The following PTPN14 variants were observed in gnomAD, a reference collection of about 807,000 sequenced individuals.
PTPN14 encodes the protein tyrosine-protein phosphatase non-receptor type 14.
Under a neutral mutation model 126.8 loss-of-function variants are expected in PTPN14, and 53 were observed. The observed-to-expected ratio is 0.42, with a 90% CI of 0.34 to 0.53. The LOEUF (loss-of-function observed/expected upper bound fraction) is 0.53. Ranked by LOEUF, PTPN14 falls within the 20% of genes least tolerant of loss-of-function variation. The pLI is 0.08. For synonymous variants in PTPN14, 630 were observed against 599.3 expected (o/e 1.05, Z -0.75); for missense variants, 1,257 against 1,552.9 (o/e 0.81, Z 3.20).
At chr1:214,550,807 G>C (rs1571666165) in intron 1 of PTPN14, among the ~76,000 whole-genome samples, 1 of 152,184 alleles carries the variant, frequency 6.6e-6, no homozygotes, top group Non-Finnish European at 1.5e-5. Flanking sequence ...CCGCGACGTC[G>C]TTCGTCTTTC....
At chr1:214,460,524 A>AACAC (rs10522279) in intron 2 of PTPN14, among the ~76,000 whole-genome samples, 46,183 of 132,258 alleles carry the variant, frequency 0.35, 8,103 homozygotes, top group East Asian at 0.46. Flanking sequence ...TGAAAATTCC[A>AACAC]ACACACACAC....
chr1:214,428,069 T>C (rs1366478730), intron 3 of PTPN14, among the ~76,000 whole-genome samples: 2 of 152,182 alleles, frequency 1.3e-5, no homozygotes, highest in Admixed American at 6.5e-5. Context: ...AGGAGCTGCA[T>C]AAACAGGCAC....
chr1:214,504,269 C>G (rs1654778859), intron 1 of PTPN14, among the ~76,000 whole-genome samples: 1 of 152,130 alleles, frequency 6.6e-6, no homozygotes, highest in African/African-American at 2.4e-5. Context: ...TCAATCACCA[C>G]ATAGCCAGAT....
intron 13 of PTPN14, among the ~76,000 whole-genome samples, chr1:214,382,724 C>T (rs1020436372): frequency 1.2e-4 from 18 of 152,124 alleles, no homozygotes; most frequent in East Asian, 3.8e-4. Context: ...TGTGTATTCA[C>T]GTATGTGTGT....
At position 214,351,312 on chromosome 1, in the gene PTPN14, AAG is replaced by A. The variant is rs1491128803; in HGVS notation, c.*6608_*6609del. On this transcript the variant is annotated 3_prime_UTR_variant, in exon 19 of 19. Coordinates refer to ENST00000366956, the MANE Select transcript of PTPN14 (RefSeq NM_005401.5). ...AACTAAAAAAAAAAAAAAAAAGAAA[AAG>A]AAAAAAAAAAAGGCAGCAGACCCTA... The A allele has an allele frequency of 7.9e-5, 12 of 151,528 alleles. No individual in the cohort carries two copies. Among genetic ancestry groups the A allele is most frequent in the African/African-American group, 2.4e-4 (10 of 41,042 alleles). 9.4% of individuals were successfully genotyped at this position (151,528 alleles called of 1,614,324 possible). A position where few individuals can be genotyped will look rare whatever the true frequency, so the allele number is the denominator to read the frequency against.
intron 5 of PTPN14, among the ~76,000 whole-genome samples, chr1:214,410,830 GT>G (rs146610019): frequency 0.017 from 2,600 of 152,186 alleles, 81 homozygotes; most frequent in African/African-American, 0.059. Context: ...TTTTTTGCTA[GT>G]CCCATATTGT....
rs933148037 is a variant in PTPN14 at position 214,353,563 on chromosome 1, C to T, written c.*4359G>A. 6.6e-6 allele frequency: 1 copy of T among 152,224 alleles called. No individual in the cohort carries two copies. The highest frequency in any genetic ancestry group is 1.5e-5 in the Non-Finnish European group (1 of 68,072). The allele number at this position is 152,224 out of a possible 1,614,324, so 9.4% of individuals were successfully genotyped here. A position where few individuals can be genotyped will look rare whatever the true frequency, so the allele number is the denominator to read the frequency against. ...GCACATTCTGCTTTTTGACAAAGGA[C>T]ACTTTTGGGACCCATACGTCACGTA... On this transcript the variant is annotated 3_prime_UTR_variant, in exon 19 of 19. Coordinates refer to ENST00000366956, the MANE Select transcript of PTPN14 (RefSeq NM_005401.5).
chr1:214,451,453 A>T (rs1660271242), intron 3 of PTPN14, among the ~76,000 whole-genome samples: 1 of 152,000 alleles, frequency 6.6e-6, no homozygotes, highest in South Asian at 2.1e-4. Context: ...CAGGTATGAG[A>T]CACCACGCCT....
In PTPN14 at chr1:214,412,628, T is replaced by C. The variant is rs74963456; in HGVS notation, c.443-877A>G. Among the ~76,000 whole-genome samples, 87 of 152,338 alleles carry C rather than the reference T, an allele frequency of 5.7e-4. 1 individual carries two copies. The East Asian group carries it at 0.017, about 29-fold the overall frequency. On this transcript the variant is annotated intron_variant, in intron 4 of 18. Transcript: ENST00000366956. ...TATCACATTCCACCACAACTTATAT[T>C]TCTGTTGATGTATCTTTCTAAAAAT...
Position 214,364,704 on chromosome 1 carries a change from C to T in PTPN14, c.3272-29G>A. ...CAGGACAAAATGCAAATTCTGTCACCAAAGTCCTCCATGGCTTCGCATGTA... is the reference window on the plus strand; with the variant it reads ...CAGGACAAAATGCAAATTCTGTCACTAAAGTCCTCCATGGCTTCGCATGTA... On this transcript the variant is annotated intron_variant, in intron 17 of 18. Transcript: ENST00000366956. The surrounding 1 kb of genome is among the most constrained non-coding windows in gnomAD (Gnocchi z 4.1). 3 of 1,597,556 alleles carry T rather than the reference C, an allele frequency of 1.9e-6. No homozygotes were observed. Among genetic ancestry groups the T allele is most frequent in the Non-Finnish European group, 2.6e-6 (3 of 1,171,614 alleles).
At chr1:214,394,775 A>G in intron 9 of PTPN14, 124 bp downstream of exon 9, 1 of 853,444 alleles carries the variant, frequency 1.2e-6, no homozygotes, top group South Asian at 1.4e-5. Context: ...AAGTATTAGA[A>G]AGCATCTCTT....
In PTPN14 at chr1:214,369,347, T is replaced by C. The variant is rs1658158926; in HGVS notation, c.3271+110A>G. 3.2e-6 allele frequency: 3 copies of C among 945,910 alleles called. No homozygotes were observed. In the Admixed American group the frequency reaches 6.3e-5, roughly 20 times the overall value. 58.6% of individuals were successfully genotyped at this position (945,910 alleles called of 1,614,324 possible). On this transcript the variant is annotated intron_variant, in intron 17 of 18. Transcript: ENST00000366956. ...ATATATTTCAATATTATAATACTTT[T>C]GCCACTTAAGAGAAAGCATCCTCTT...
intron 2 of PTPN14, among the ~76,000 whole-genome samples, chr1:214,460,148 A>G (rs780384308): frequency 1.4e-4 from 18 of 132,946 alleles, no homozygotes; most frequent in Non-Finnish European, 2.5e-4. Context: ...CCCATCTGTA[A>G]CATAGGAACA....
At chr1:214,439,436 T>G in intron 3 of PTPN14, among the ~76,000 whole-genome samples, 1 of 152,236 alleles carries the variant, frequency 6.6e-6, no homozygotes, top group East Asian at 1.9e-4. Flanking sequence ...CTCTGTGATT[T>G]TCTACTAAAG....
At chr1:214,537,635 T>C (rs114944573) in intron 1 of PTPN14, among the ~76,000 whole-genome samples, 2,744 of 152,278 alleles carry the variant, frequency 0.018, 66 homozygotes, top group African/African-American at 0.06. Context: ...TTAATATCAG[T>C]CTCTCTCTGC....
At position 214,394,887 on chromosome 1, in the gene PTPN14, T is replaced by C; in HGVS notation, c.846+12A>G. 1.9e-6 allele frequency: 3 copies of C among 1,604,634 alleles called. No individual in the cohort carries two copies. The East Asian group carries it at 6.7e-5, about 36-fold the overall frequency. ...TCTTGTCAGACCCTGACTGTTTGTC[T>C]GTTGTGCTTACCGTGTGAAAGAGGG... On this transcript the variant is annotated intron_variant, in intron 9 of 18. Transcript: ENST00000366956.
chr1:214,524,616 C>T (rs1655343108), intron 1 of PTPN14, among the ~76,000 whole-genome samples: 1 of 152,024 alleles, frequency 6.6e-6, no homozygotes, highest in Non-Finnish European at 1.5e-5. Flanking sequence ...CGTGCCACTG[C>T]ATTCCAGCCT....
chr1:214,414,073 CAT>C (rs1659370102), intron 4 of PTPN14, among the ~76,000 whole-genome samples: 1 of 152,130 alleles, frequency 6.6e-6, no homozygotes, highest in African/African-American at 2.4e-5. Context: ...AAGTCCCACA[CAT>C]AACAATTTAG....
chr1:214,411,854 T>C (rs1659316951), intron 4 of PTPN14, 103 bp from the exon 5 acceptor site: 1 of 586,542 alleles, frequency 1.7e-6, no homozygotes, highest in Non-Finnish European at 2.8e-6. Flanking sequence ...CATTTCATCC[T>C]ATTTCTCACT....
Sources: allele counts gnomAD v4.1 joint callset (sites outside exome capture counted in the v4.1 genomes callset), GRCh38; gene constraint gnomAD v4.1.1; non-coding constraint Gnocchi (gnomAD v3.1); transcripts MANE v1.5; gene names NCBI Gene and HGNC (gene_info 2026-07-23, HGNC 2026-07-21).